PSMF1: variants seen among roughly 807,000 people sequenced by gnomAD.
PSMF1 encodes proteasome inhibitor subunit 1, also known as proteasome inhibitor PI31 subunit.
A neutral mutation model predicts 29.3 loss-of-function variants in PSMF1; 30 were observed. The ratio of observed to expected loss-of-function variants is 1.02; its 90% CI spans 0.77 to 1.39. PSMF1 has a LOEUF of 1.39. PSMF1 is among the 40% of genes most tolerant of loss of function. PSMF1 has a pLI of 0.00. For synonymous variants in PSMF1, 134 were observed against 139.7 expected, an observed-to-expected ratio of 0.96 and a Z score of 0.29; for missense variants, 344 against 357.5, an observed-to-expected ratio of 0.96 and a Z score of 0.31.
intron 1 of PSMF1, among the ~76,000 whole-genome samples, chr20:1,119,976 A>G (rs1339801694): frequency 2.1e-5 from 3 of 143,426 alleles, no homozygotes; most frequent in Admixed American, 6.8e-5. Flanking sequence ...TAGCTTCTCA[A>G]ATAGAGTCTT....
Position 1,164,558 on chromosome 20 carries a change from C to G in PSMF1, c.764+82C>G. 6.4e-7 allele frequency: 1 copy of G among 1,552,634 alleles called. No individual in the cohort carries two copies. Among genetic ancestry groups the G allele is most frequent in the Non-Finnish European group, 8.8e-7 (1 of 1,134,432 alleles). On this transcript the variant is annotated intron_variant, in intron 6 of 6. Coordinates refer to ENST00000335877, the MANE Select transcript of PSMF1 (RefSeq NM_006814.5). This position sits in a 1 kb window ranked among gnomAD's most constrained non-coding sequence, Gnocchi z 4.1. ...GTGGCAGCAATGAAGGTTTCTAGCC[C>G]CAGGCACAGAGCTGCCGCTGCCTTC...
At chr20:1,160,016 G>A (rs2086646520) in intron 4 of PSMF1, among the ~76,000 whole-genome samples, 2 of 152,148 alleles carry the variant, frequency 1.3e-5, no homozygotes, top group African/African-American at 4.8e-5. Flanking sequence ...AGGGCTCTGC[G>A]AAGATTCCAA....
chr20:1,127,437 A>C lies in PSMF1; in HGVS notation c.294A>C (p.Ser98=). Residue 98 remains serine, a synonymous_variant, in exon 3 of 7, where the codon TCA becomes TCC. Coordinates refer to ENST00000335877, the MANE Select transcript of PSMF1 (RefSeq NM_006814.5). The stretch of plus-strand genomic sequence containing the variant: ...TTTCACCCATCTAGGAATATGGCTC[A>C]CAGCAAGTGGCAGACTTGACCCTGA... The part of the protein sequence containing the change: ...SMILNVLEYG[S]QQVADLTLNL... The C allele has an allele frequency of 6.2e-7, 1 of 1,604,386 alleles. No individual in the cohort carries two copies.
intron 4 of PSMF1, among the ~76,000 whole-genome samples, chr20:1,147,777 T>C (rs767746535): frequency 6.6e-6 from 1 of 152,136 alleles, no homozygotes; most frequent in Non-Finnish European, 1.5e-5. Context: ...TTCTTTACTA[T>C]AGCTCCCATC....
intron 4 of PSMF1, among the ~76,000 whole-genome samples, chr20:1,162,808 A>G (rs1417235141): frequency 6.6e-6 from 1 of 152,172 alleles, no homozygotes; most frequent in Non-Finnish European, 1.5e-5. Context: ...TCTGACGTAA[A>G]ACTTCTTGGT....
chr20:1,153,292 T>A (rs1321592199), intron 4 of PSMF1, among the ~76,000 whole-genome samples: 1 of 152,140 alleles, frequency 6.6e-6, no homozygotes, highest in Non-Finnish European at 1.5e-5. Context: ...AGAGTATGGA[T>A]TTGCTTGGCT....
rs2086761068 is a variant in PSMF1, at chr20:1,168,866, A to T, written c.*3786A>T. On this transcript the variant is annotated 3_prime_UTR_variant, in exon 7 of 7. Transcript: ENST00000335877. Reference sequence around the variant, plus strand: ...TAAGGCACCACCAGGGCAAGGGAAGATTCCCCACATGTATATCCCCAGCTG... The same window carrying T: ...TAAGGCACCACCAGGGCAAGGGAAGTTTCCCCACATGTATATCCCCAGCTG... 6.6e-6 allele frequency among the ~76,000 whole-genome samples: 1 copy of T among 152,174 alleles called. No individual in the cohort carries two copies. The highest frequency in any genetic ancestry group is 2.4e-5 in the African/African-American group (1 of 41,436).
intron 3 of PSMF1, among the ~76,000 whole-genome samples, chr20:1,134,065 C>G (rs556016544): frequency 6.7e-6 from 1 of 149,434 alleles, no homozygotes; most frequent in East Asian, 2.0e-4. Context: ...GACTTTGTTT[C>G]ATTTTCTCTC....
intron 3 of PSMF1, among the ~76,000 whole-genome samples, chr20:1,133,090 A>G (rs1178010356): frequency 4.9e-5 from 7 of 144,132 alleles, no homozygotes; most frequent in Non-Finnish European, 1.1e-4. Context: ...TTCTTGCCTT[A>G]TTGCAGTGGT....
intron 4 of PSMF1, among the ~76,000 whole-genome samples, chr20:1,159,076 A>T (rs1210517535): frequency 2.0e-5 from 3 of 151,916 alleles, no homozygotes; most frequent in Admixed American, 6.5e-5. Context: ...AAAAAAGAAG[A>T]AGTAAATGGG....
intron 4 of PSMF1, chr20:1,161,476 G>A: frequency 2.0e-6 from 1 of 496,280 alleles, no homozygotes; most frequent in Non-Finnish European, 3.8e-6. Flanking sequence ...CTGGCCAGTG[G>A]CACCACCATG....
At chr20:1,147,467 G>A (rs2086468270) in intron 4 of PSMF1, among the ~76,000 whole-genome samples, 1 of 152,208 alleles carries the variant, frequency 6.6e-6, no homozygotes, top group Admixed American at 6.5e-5. Context: ...CATGTAATAA[G>A]CAATGTGGTG....
chr20:1,134,246 A>G (rs934751808), intron 3 of PSMF1, among the ~76,000 whole-genome samples: 2 of 152,086 alleles, frequency 1.3e-5, no homozygotes, highest in African/African-American at 2.4e-5. Context: ...CTTCTCAGCA[A>G]TCCTTTAGTT....
chr20:1,161,745 A>G lies in PSMF1; in HGVS notation c.552-1385A>G, dbSNP rs908056372. 4 of 488,112 alleles carry G rather than the reference A, an allele frequency of 8.2e-6. No individual in the cohort carries two copies. The South Asian group carries it at 1.0e-4, about 12-fold the overall frequency. The allele number at this position is 488,112 out of a possible 1,614,324, so 30.2% of individuals were successfully genotyped here. A position where few individuals can be genotyped will look rare whatever the true frequency, so the allele number is the denominator to read the frequency against. On this transcript the variant is annotated intron_variant, in intron 4 of 6. Transcript: ENST00000335877. ...GCATTTGCTGCATAGGATAATTCAC[A>G]CGTATAAATTTGCCCCTGACAAATG...
rs776660659 is a variant in PSMF1 at position 1,163,813 on chromosome 20, T to C, written c.606-505T>C. On this transcript the variant is annotated intron_variant, in intron 5 of 6. Transcript: ENST00000335877. This position sits in a 1 kb window ranked among gnomAD's most constrained non-coding sequence, Gnocchi z 6.1. Reference sequence around the variant, plus strand: ...GTGGAACTCCATGAGGGACAGATGCTGTCAGGAGCCACACTTAGGCAATCT... The same window carrying C: ...GTGGAACTCCATGAGGGACAGATGCCGTCAGGAGCCACACTTAGGCAATCT... Among the ~76,000 whole-genome samples, 1 of 152,206 alleles carries C rather than the reference T, an allele frequency of 6.6e-6. No homozygotes were observed. Among genetic ancestry groups the C allele is most frequent in the Non-Finnish European group, 1.5e-5 (1 of 68,034 alleles).
chr20:1,128,703 C>T (rs2122481264), intron 3 of PSMF1, among the ~76,000 whole-genome samples: 1 of 152,214 alleles, frequency 6.6e-6, no homozygotes, highest in South Asian at 2.1e-4. Flanking sequence ...CCCCCATCTT[C>T]ATTGACCTCC....
intron 4 of PSMF1, among the ~76,000 whole-genome samples, chr20:1,151,759 A>T (rs1040176968): frequency 7.2e-5 from 11 of 152,330 alleles, no homozygotes; most frequent in South Asian, 2.1e-4. Flanking sequence ...AATCTGAAGG[A>T]TAGAAGGAAA....
At chr20:1,160,212 C>T (rs1163908979) in intron 4 of PSMF1, among the ~76,000 whole-genome samples, 2 of 151,994 alleles carry the variant, frequency 1.3e-5, no homozygotes, top group East Asian at 1.9e-4. Flanking sequence ...TGCATACACA[C>T]GTTTTTCACC....
intron 3 of PSMF1, among the ~76,000 whole-genome samples, chr20:1,133,569 A>ATATATATATATATATTTTTTTTTTTTT: frequency 5.6e-5 from 3 of 53,298 alleles, no homozygotes; most frequent in Non-Finnish European, 9.1e-5. Flanking sequence ...ATATATATAT[A>ATATATATATATATATTTTTTTTTTTTT]TTTTTTTTTT....
Sources: allele counts gnomAD v4.1 joint callset (sites outside exome capture counted in the v4.1 genomes callset), GRCh38; gene constraint gnomAD v4.1.1; non-coding constraint Gnocchi (gnomAD v3.1); transcripts MANE v1.5; gene names NCBI Gene and HGNC (gene_info 2026-07-23, HGNC 2026-07-21).